The following CCDC50 variants were observed in gnomAD, a reference collection of about 807,000 sequenced individuals.
CCDC50 encodes coiled-coil domain-containing protein 50.
In CCDC50, 54 loss-of-function variants were observed where a neutral mutation model predicts 70.2. The ratio of observed to expected loss-of-function variants is 0.77; its 90% CI spans 0.62 to 0.96. CCDC50 has a LOEUF of 0.96. CCDC50 is among the 50% of genes least tolerant of loss of function. The probability of loss-of-function intolerance (pLI) is 0.00; values close to 1 mark genes in which losing one functional copy is unlikely to be tolerated. For synonymous variants in CCDC50, 216 were observed against 198.8 expected (o/e 1.09, Z -0.73); for missense variants, 558 against 578.7 (o/e 0.96, Z 0.37).
intron 4 of CCDC50, among the ~76,000 whole-genome samples, chr3:191,368,384 T>C (rs1464408158): frequency 6.6e-6 from 1 of 152,028 alleles, no homozygotes; most frequent in African/African-American, 2.4e-5. Context: ...AGATTACTTA[T>C]CAAAAAAATA....
intron 1 of CCDC50, among the ~76,000 whole-genome samples, chr3:191,336,529 T>G (rs1415960268): frequency 2.6e-5 from 4 of 152,182 alleles, no homozygotes; most frequent in African/African-American, 9.7e-5. Context: ...TTCTTATTAT[T>G]GAATTTGGGA....
In CCDC50 at chr3:191,397,384, C is replaced by T. The variant is rs1175446237; in HGVS notation, c.*5624C>T. ...TTCAGCTCTTGCTGTAAACTGCAAG[C>T]CAAATGCTCTTTCTCAGAAAGAGCT... On this transcript the variant is annotated 3_prime_UTR_variant, in exon 12 of 12. Coordinates refer to ENST00000392455, the MANE Select transcript of CCDC50 (RefSeq NM_178335.3). 6.6e-6 allele frequency: 1 copy of T among 152,118 alleles called. No individual in the cohort carries two copies. The highest frequency in any genetic ancestry group is 1.5e-5 in the Non-Finnish European group (1 of 68,028). The allele number at this position is 152,118 out of a possible 1,614,324, so 9.4% of individuals were successfully genotyped here.
chr3:191,333,563 T>C (rs1174252483), intron 1 of CCDC50, among the ~76,000 whole-genome samples: 1 of 152,210 alleles, frequency 6.6e-6, no homozygotes, highest in Admixed American at 6.5e-5. Flanking sequence ...TGGTTTTTAA[T>C]GAGACCCTGG....
chr3:191,357,866 T>G, intron 2 of CCDC50, 132 bp from the exon 3 acceptor site: 1 of 1,098,546 alleles, frequency 9.1e-7, no homozygotes, highest in Non-Finnish European at 1.4e-6. Context: ...TATTATATAT[T>G]GTTGTTGAGA....
intron 1 of CCDC50, among the ~76,000 whole-genome samples, chr3:191,351,188 A>G (rs1464755586): frequency 1.4e-5 from 2 of 142,106 alleles, no homozygotes; most frequent in Non-Finnish European, 3.2e-5. Flanking sequence ...TAAAATAACA[A>G]TCTGAAATAC....
intron 1 of CCDC50, among the ~76,000 whole-genome samples, chr3:191,343,433 T>G (rs1298633936): frequency 1.3e-5 from 2 of 152,258 alleles, no homozygotes; most frequent in African/African-American, 2.4e-5. Context: ...AGTTACTGTG[T>G]AAGAGTTTAA....
chr3:191,340,862 G>A (rs377196291), intron 1 of CCDC50, among the ~76,000 whole-genome samples: 20 of 152,286 alleles, frequency 1.3e-4, no homozygotes, highest in African/African-American at 3.8e-4. Context: ...TAGAGACAGG[G>A]TTTCACTCTG....
chr3:191,342,178 C>G (rs918843390), intron 1 of CCDC50, among the ~76,000 whole-genome samples: 1 of 152,078 alleles, frequency 6.6e-6, no homozygotes, highest in African/African-American at 2.4e-5. Flanking sequence ...TTCCGTAATC[C>G]AAGATTTCCA....
chr3:191,366,094 C>T (rs767792180), intron 4 of CCDC50, among the ~76,000 whole-genome samples: 5 of 152,056 alleles, frequency 3.3e-5, no homozygotes, highest in Non-Finnish European at 7.4e-5. Flanking sequence ...CCTCTGGGTG[C>T]CACTGCACCT....
chr3:191,364,894 AACTCTTTT>A (rs1260539131), intron 4 of CCDC50, among the ~76,000 whole-genome samples: 2 of 151,612 alleles, frequency 1.3e-5, no homozygotes, highest in Admixed American at 1.3e-4. Flanking sequence ...GTTTATTTTT[AACTCTTTT>A]ACATAGTTTC....
intron 1 of CCDC50, among the ~76,000 whole-genome samples, chr3:191,334,329 A>G (rs1718076175): frequency 6.6e-6 from 1 of 152,200 alleles, no homozygotes; most frequent in Non-Finnish European, 1.5e-5. Flanking sequence ...GTAGACTTGC[A>G]TTACTTTTTT....
intron 1 of CCDC50, among the ~76,000 whole-genome samples, chr3:191,348,446 A>C (rs1711998193): frequency 7.0e-6 from 1 of 142,588 alleles, no homozygotes; most frequent in Non-Finnish European, 1.6e-5. Flanking sequence ...TAAGGTGTAG[A>C]GTGAAAATGT....
intron 4 of CCDC50, among the ~76,000 whole-genome samples, chr3:191,364,231 G>A (rs959053778): frequency 6.6e-6 from 1 of 151,938 alleles, no homozygotes; most frequent in Non-Finnish European, 1.5e-5. Flanking sequence ...ACCACGTCCG[G>A]CTCATTTTTT....
At chr3:191,332,861 T>A (rs904118866) in intron 1 of CCDC50, among the ~76,000 whole-genome samples, 3 of 152,180 alleles carry the variant, frequency 2.0e-5, no homozygotes, top group Admixed American at 1.3e-4. Flanking sequence ...TTTAGCCCTC[T>A]CTAACCAAGA....
chr3:191,379,906 AC>A (rs1239618655), intron 6 of CCDC50, among the ~76,000 whole-genome samples: 2 of 152,110 alleles, frequency 1.3e-5, no homozygotes, highest in African/African-American at 4.8e-5. Context: ...TGTTGCAGAA[AC>A]TATGTGAGAG....
intron 1 of CCDC50, among the ~76,000 whole-genome samples, chr3:191,332,716 A>G (rs1387089251): frequency 6.6e-6 from 1 of 152,178 alleles, no homozygotes; most frequent in Non-Finnish European, 1.5e-5. Flanking sequence ...ACAAACTTAC[A>G]TTTTTCAGGG....
At position 191,389,607 on chromosome 3, in the gene CCDC50, G is replaced by A. The variant is rs375535283; in HGVS notation, c.1429+5G>A. 1,105 of 1,600,346 alleles carry A rather than the reference G, an allele frequency of 6.9e-4. 1 individual carries two copies. The highest frequency in any genetic ancestry group is 9.2e-4 in the Non-Finnish European group (1,078 of 1,167,602). Reference sequence around the variant, plus strand: ...AATCAGAGTCCTCTCATAAAGGTAAGAAGAGTATGTATGGTCAAGTTTAGG... The same window carrying A: ...AATCAGAGTCCTCTCATAAAGGTAAAAAGAGTATGTATGGTCAAGTTTAGG... On this transcript the variant is annotated splice_donor_5th_base_variant and intron_variant, in intron 11 of 11. Coordinates refer to ENST00000392455, the MANE Select transcript of CCDC50 (RefSeq NM_178335.3).
intron 10 of CCDC50, 39 bp from the exon 11 acceptor site, chr3:191,389,457 T>C (rs1713606308): frequency 4.0e-6 from 6 of 1,518,028 alleles, no homozygotes; most frequent in African/African-American, 1.4e-5. Context: ...GTAGTAAGCG[T>C]TACTTAGAAT....
chr3:191,338,386 AAG>A (rs1224221365), intron 1 of CCDC50, among the ~76,000 whole-genome samples: 1 of 152,228 alleles, frequency 6.6e-6, no homozygotes, highest in African/African-American at 2.4e-5. Flanking sequence ...ACGTAGAAGA[AAG>A]AGAAAGATAG....
Sources: gnomAD v4.1 joint callset for allele counts (sites outside exome capture counted in the v4.1 genomes callset) on GRCh38, gnomAD v4.1.1 for gene constraint, MANE v1.5 for transcripts, NCBI Gene and HGNC (gene_info 2026-07-23, HGNC 2026-07-21) for gene names.